MALRD1: variants seen among roughly 807,000 people sequenced by gnomAD.
MALRD1 encodes the protein MAM and LDL receptor class A domain containing 1.
A neutral mutation model predicts 242.1 loss-of-function variants in MALRD1; 247 were observed. That is an observed-to-expected ratio of 1.02 (90% CI 0.92 to 1.13). The LOEUF (loss-of-function observed/expected upper bound fraction) is 1.13, where lower values mean the gene tolerates loss of function less well. Ranked by LOEUF, MALRD1 falls within the 50% of genes most tolerant of loss-of-function variation. The pLI is 0.00. For synonymous variants in MALRD1, 995 were observed against 866.6 expected, an observed-to-expected ratio of 1.15 and a Z score of -2.60; for missense variants, 2,989 against 2,533.1, an observed-to-expected ratio of 1.18 and a Z score of -3.86.
chr10:19,605,299 C>T (rs1838557938), intron 34 of MALRD1, among the ~76,000 whole-genome samples: 2 of 151,618 alleles, frequency 1.3e-5, no homozygotes, highest in East Asian at 3.9e-4. Context: ...GCACTACAGG[C>T]ATGAGCCACC....
chr10:19,187,705 A>G (rs1180432371), intron 14 of MALRD1, among the ~76,000 whole-genome samples: 1 of 152,138 alleles, frequency 6.6e-6, no homozygotes. Flanking sequence ...AAGCAAATTA[A>G]CAGAAACGGA....
chr10:19,348,452 A>C (rs1844227898), intron 25 of MALRD1, among the ~76,000 whole-genome samples: 2 of 151,746 alleles, frequency 1.3e-5, no homozygotes, highest in Admixed American at 6.6e-5. Context: ...TAGAGCCACA[A>C]AAAAAAATTG....
At chr10:19,555,532 G>A (rs1835680978) in intron 32 of MALRD1, among the ~76,000 whole-genome samples, 1 of 152,114 alleles carries the variant, frequency 6.6e-6, no homozygotes, top group Non-Finnish European at 1.5e-5. Context: ...TGTAAGTCAG[G>A]AGTGTTTCTA....
At position 19,615,893 on chromosome 10, in the gene MALRD1, G is replaced by C. The variant is rs1424182164; in HGVS notation, c.6107G>C (p.Cys2036Ser). The C allele has an allele frequency of 6.5e-7, 1 of 1,532,548 alleles. No homozygotes were observed. Among genetic ancestry groups the C allele is most frequent in the Non-Finnish European group, 8.7e-7 (1 of 1,144,818 alleles). 94.9% of individuals were successfully genotyped at this position (1,532,548 alleles called of 1,614,324 possible). Residue 2036 changes from cysteine to serine, a missense_variant, in exon 36 of 40, where the codon TGT (cysteine) becomes TCT (serine). Transcript: ENST00000454679. ...PLNYCRNGGT[C>S]VVEKNGPMCR... ...AATTACTGCAGAAATGGTGGGACTTGTGTAGTGGAGAAAAATGGTCCTATG... is the reference window on the plus strand; with the variant it reads ...AATTACTGCAGAAATGGTGGGACTTCTGTAGTGGAGAAAAATGGTCCTATG...
intron 38 of MALRD1, among the ~76,000 whole-genome samples, chr10:19,700,183 C>T (rs998463392): frequency 2.6e-5 from 4 of 152,008 alleles, no homozygotes; most frequent in East Asian, 1.9e-4. Context: ...AACAAGTTAC[C>T]GAAGAAGTTT....
chr10:19,064,708 T>G (rs2131236325), intron 1 of MALRD1, among the ~76,000 whole-genome samples: 1 of 147,068 alleles, frequency 6.8e-6, no homozygotes, highest in Non-Finnish European at 1.5e-5. Context: ...AGGTGGAGGC[T>G]GTGGCAAGCC....
At chr10:19,359,190 A>G (rs1564592433) in intron 26 of MALRD1, among the ~76,000 whole-genome samples, 1 of 152,170 alleles carries the variant, frequency 6.6e-6, no homozygotes, top group African/African-American at 2.4e-5. Flanking sequence ...ATTTTTAAAA[A>G]TATTGGCATA....
intron 11 of MALRD1, among the ~76,000 whole-genome samples, chr10:19,147,632 G>A (rs911430995): frequency 1.4e-4 from 21 of 152,162 alleles, no homozygotes; most frequent in African/African-American, 4.6e-4. Context: ...GCACAAAGAT[G>A]GATGCCACGA....
At chr10:19,217,072 C>A (rs1216772266) in intron 18 of MALRD1, among the ~76,000 whole-genome samples, 1 of 152,190 alleles carries the variant, frequency 6.6e-6, no homozygotes, top group Admixed American at 6.5e-5. Context: ...CATCTCCAAC[C>A]ATAGCTAGTT....
At chr10:19,652,469 G>C (rs530119809) in intron 36 of MALRD1, among the ~76,000 whole-genome samples, 2 of 152,280 alleles carry the variant, frequency 1.3e-5, no homozygotes, top group East Asian at 3.9e-4. Context: ...GAAAGTTTGC[G>C]TATGATACTG....
At chr10:19,063,663 C>T (rs1415410520) in intron 1 of MALRD1, among the ~76,000 whole-genome samples, 1 of 151,966 alleles carries the variant, frequency 6.6e-6, no homozygotes, top group Non-Finnish European at 1.5e-5. Flanking sequence ...ATACATGCCA[C>T]ATTTTCTTAA....
intron 22 of MALRD1, among the ~76,000 whole-genome samples, chr10:19,326,962 TA>T (rs1843159983): frequency 6.6e-6 from 1 of 152,064 alleles, no homozygotes; most frequent in Non-Finnish European, 1.5e-5. Context: ...AGAAGAGCCA[TA>T]ATAGTTTTCT....
intron 28 of MALRD1, among the ~76,000 whole-genome samples, chr10:19,410,836 A>G (rs1270447514): frequency 6.6e-6 from 1 of 152,154 alleles, no homozygotes. Flanking sequence ...AGATTTAGAC[A>G]TCTACTATGT....
chr10:19,711,405 A>G (rs1017784401), intron 38 of MALRD1: 4 of 152,250 alleles, frequency 2.6e-5, no homozygotes, highest in African/African-American at 9.6e-5. Flanking sequence ...GGCTAGGAAT[A>G]TAAGAATAAA....
intron 35 of MALRD1, among the ~76,000 whole-genome samples, chr10:19,610,214 C>A (rs1415589832): frequency 6.6e-6 from 1 of 151,826 alleles, no homozygotes; most frequent in East Asian, 1.9e-4. Context: ...TTAATTATTT[C>A]TTTGTGGTAC....
At chr10:19,303,575 A>G (rs1456215613) in intron 21 of MALRD1, among the ~76,000 whole-genome samples, 2 of 151,808 alleles carry the variant, frequency 1.3e-5, no homozygotes, top group East Asian at 3.9e-4. Context: ...TCCAATGGAA[A>G]TATAAGGCAA....
chr10:19,693,332 T>C (rs1833199932), intron 38 of MALRD1, among the ~76,000 whole-genome samples: 1 of 151,976 alleles, frequency 6.6e-6, no homozygotes, highest in Non-Finnish European at 1.5e-5. Context: ...AACCCCATCG[T>C]CTCAGCCCAA....
chr10:19,107,567 T>TC (rs1325521090), intron 5 of MALRD1, among the ~76,000 whole-genome samples: 1 of 143,858 alleles, frequency 7.0e-6, no homozygotes, highest in Non-Finnish European at 1.5e-5. Flanking sequence ...AATTTGGTCT[T>TC]TTTTTTTTTT....
chr10:19,069,857 T>A (rs574325473), intron 2 of MALRD1, among the ~76,000 whole-genome samples: 2 of 152,068 alleles, frequency 1.3e-5, no homozygotes, highest in African/African-American at 4.8e-5. Flanking sequence ...ATCGTACTTA[T>A]GTTAACTAAA....
Sources: gnomAD v4.1 joint callset for allele counts (sites outside exome capture counted in the v4.1 genomes callset) on GRCh38, gnomAD v4.1.1 for gene constraint, MANE v1.5 for transcripts, NCBI Gene and HGNC (gene_info 2026-07-23, HGNC 2026-07-21) for gene names.